Variants in PCDHA6 observed in about 807,000 individuals in gnomAD.
PCDHA6 encodes protocadherin alpha-6.
Under a neutral mutation model 60.3 loss-of-function variants are expected in PCDHA6, and 55 were observed. That is an observed-to-expected ratio of 0.91 (90% CI 0.73 to 1.14). The LOEUF (loss-of-function observed/expected upper bound fraction) is 1.14, where lower values mean the gene tolerates loss of function less well. Ranked by LOEUF, PCDHA6 falls within the 50% of genes most tolerant of loss-of-function variation. The pLI, the probability that PCDHA6 is intolerant of heterozygous loss-of-function variation, is 0.00. For missense variants in PCDHA6, 1,327 were observed against 1,256.5 expected (o/e 1.06, Z -0.85); for synonymous variants, 652 against 557.9 (o/e 1.17, Z -2.38).
intron 1 of PCDHA6, among the ~76,000 whole-genome samples, chr5:140,959,741 C>T (rs1415934970): frequency 6.6e-6 from 1 of 152,068 alleles, no homozygotes; most frequent in Admixed American, 6.6e-5. Flanking sequence ...CATCAAAATG[C>T]CTTAAAGTAT....
rs2150258870 is a variant in PCDHA6, at chr5:140,836,371, C to G, written c.2394+5886C>G. On this transcript the variant is annotated intron_variant, in intron 1 of 3. Transcript: ENST00000529310. Reference sequence around the variant, plus strand: ...GGGGAGCCCTCGCTGACAGCCACAGCCACCGTGCTGGTGTCGCTGGTGGAA... The same window carrying G: ...GGGGAGCCCTCGCTGACAGCCACAGGCACCGTGCTGGTGTCGCTGGTGGAA... The G allele has an allele frequency of 3.1e-3, 4,936 of 1,613,708 alleles. 180 individuals are homozygous for G. The African/African-American group carries it at 0.055, about 18-fold the overall frequency.
At position 140,858,644 on chromosome 5, in the gene PCDHA6, C is replaced by T. The variant is rs1581517400; in HGVS notation, c.2394+28159C>T. ...CCAGTGTGTCAGCCTTTGATTGGTACTTAAATTTTTTTAAATAACAATTTA... is the reference window on the plus strand; with the variant it reads ...CCAGTGTGTCAGCCTTTGATTGGTATTTAAATTTTTTTAAATAACAATTTA... On this transcript the variant is annotated intron_variant, in intron 1 of 3. Coordinates refer to ENST00000529310, the MANE Select transcript of PCDHA6 (RefSeq NM_018909.4). 16 of 921,026 alleles carry T rather than the reference C, an allele frequency of 1.7e-5. 1 individual carries two copies. Among genetic ancestry groups the T allele is most frequent in the African/African-American group, 1.2e-4 (7 of 59,878 alleles). 57.1% of individuals were successfully genotyped at this position (921,026 alleles called of 1,614,324 possible).
chr5:140,927,495 G>C (rs111935715), intron 1 of PCDHA6: 2 of 1,614,128 alleles, frequency 1.2e-6, no homozygotes, highest in African/African-American at 1.3e-5. Context: ...CCCACCTGCT[G>C]GTGCTTACAG....
At chr5:140,853,555 G>A in intron 1 of PCDHA6, 1 of 980,632 alleles carries the variant, frequency 1.0e-6, no homozygotes, top group Non-Finnish European at 1.2e-6. Context: ...TTACTATATA[G>A]GAAAAACTAA....
intron 1 of PCDHA6, chr5:140,871,063 G>A (rs377081112): frequency 1.2e-6 from 2 of 1,613,272 alleles, no homozygotes; most frequent in Non-Finnish European, 1.7e-6. Flanking sequence ...GAAGGATCAC[G>A]GTGAGCCGGC....
chr5:140,952,832 G>A (rs560488815), intron 1 of PCDHA6, among the ~76,000 whole-genome samples: 1 of 152,226 alleles, frequency 6.6e-6, no homozygotes, highest in African/African-American at 2.4e-5. Context: ...GCATGATGCT[G>A]GCCATCTGCT....
At position 140,857,115 on chromosome 5, in the gene PCDHA6, T is replaced by C. The variant is rs782131761; in HGVS notation, c.2394+26630T>C. On this transcript the variant is annotated intron_variant, in intron 1 of 3. Coordinates refer to ENST00000529310, the MANE Select transcript of PCDHA6 (RefSeq NM_018909.4). ...GAGGTGATTGTCACTTCTCTGTCTC[T>C]CCCAGTGAAAGAAGATGCTCAAGTG... 20 of 1,597,830 alleles carry C rather than the reference T, an allele frequency of 1.3e-5. 2 individuals carry two copies. In the East Asian group the frequency reaches 3.8e-4, roughly 30 times the overall value.
rs2150380022 is a variant in PCDHA6, at chr5:140,845,577, T to A, written c.2394+15092T>A. 1.2e-4 allele frequency among the ~76,000 whole-genome samples: 18 copies of A among 149,706 alleles called. 1 individual carries two copies. The highest frequency in any genetic ancestry group is 6.9e-3 in the Middle Eastern group (2 of 290). On this transcript the variant is annotated intron_variant, in intron 1 of 3. Transcript: ENST00000529310. The stretch of plus-strand genomic sequence containing the variant: ...TTTTAGCTATTAAGAATTTCTGGGA[T>A]TGAAATGTGTCAGAAGTTAGTTATT...
intron 1 of PCDHA6, chr5:140,834,789 A>T: frequency 6.2e-7 from 1 of 1,613,702 alleles, no homozygotes; most frequent in Non-Finnish European, 8.5e-7. Flanking sequence ...GTTCCCAGCG[A>T]CACAAAGGAA....
rs1774863213 is a variant in PCDHA6 at position 140,837,000 on chromosome 5, G to A, written c.2394+6515G>A. The A allele has an allele frequency of 1.8e-5, 6 of 331,444 alleles. No individual in the cohort carries two copies. The East Asian group carries it at 3.3e-4, about 18-fold the overall frequency. 20.5% of individuals were successfully genotyped at this position (331,444 alleles called of 1,614,324 possible). A position where few individuals can be genotyped will look rare whatever the true frequency, so the allele number is the denominator to read the frequency against. On this transcript the variant is annotated intron_variant, in intron 1 of 3. Coordinates refer to ENST00000529310, the MANE Select transcript of PCDHA6 (RefSeq NM_018909.4). ...TTGGAGGAGGACTTTGCTAACTGGAGCAATGGATTCACCTTTCTTCTATAG... is the reference window on the plus strand; with the variant it reads ...TTGGAGGAGGACTTTGCTAACTGGAACAATGGATTCACCTTTCTTCTATAG...
intron 1 of PCDHA6, chr5:140,843,656 G>C (rs1294872443): frequency 1.9e-6 from 3 of 1,594,636 alleles, no homozygotes; most frequent in Non-Finnish European, 2.6e-6. Context: ...CCTTCCTCCT[G>C]ATCTGGGATC....
chr5:140,840,206 A>G (rs1171433900), intron 1 of PCDHA6, among the ~76,000 whole-genome samples: 1 of 152,080 alleles, frequency 6.6e-6, no homozygotes, highest in African/African-American at 2.4e-5. Flanking sequence ...AAAAGAAGTC[A>G]TAAAAATACA....
At position 140,829,347 on chromosome 5, in the gene PCDHA6, C is replaced by T; in HGVS notation, c.1256C>T (p.Ser419Leu). Residue 419 changes from serine to leucine, a missense_variant, in exon 1 of 4, where the codon TCG becomes TTG. Physicochemically the swap from Ser to Leu is moderately radical, Grantham distance 145. Coordinates refer to ENST00000529310, the MANE Select transcript of PCDHA6 (RefSeq NM_018909.4). ...LDSALDRESV[S>L]AYELVVTARD... Reference sequence around the variant, plus strand: ...AGTGCCCTGGACCGCGAGAGCGTGTCGGCCTATGAGTTGGTGGTAACCGCG... The same window carrying T: ...AGTGCCCTGGACCGCGAGAGCGTGTTGGCCTATGAGTTGGTGGTAACCGCG... 5 of 1,614,232 alleles carry T rather than the reference C, an allele frequency of 3.1e-6. No homozygotes were observed. The highest frequency in any genetic ancestry group is 4.2e-6 in the Non-Finnish European group (5 of 1,180,052).
chr5:140,843,792 GT>G, intron 1 of PCDHA6: 1 of 1,356,394 alleles, frequency 7.4e-7, no homozygotes, highest in South Asian at 1.4e-5. Flanking sequence ...TTCAGATTTA[GT>G]TTTTCACCGT....
At chr5:140,968,810 G>C in intron 1 of PCDHA6, 1 of 1,614,186 alleles carries the variant, frequency 6.2e-7, no homozygotes, top group Non-Finnish European at 8.5e-7. Flanking sequence ...AGCTGTGGTG[G>C]ATAGGGTTTC....
intron 1 of PCDHA6, chr5:140,927,600 C>T (rs1179735453): frequency 1.9e-6 from 3 of 1,614,042 alleles, no homozygotes; most frequent in African/African-American, 1.3e-5. Flanking sequence ...TTGAGCGCTC[C>T]GTATACCGCA....
At chr5:140,881,867 G>A (rs2058853547) in intron 1 of PCDHA6, among the ~76,000 whole-genome samples, 1 of 152,166 alleles carries the variant, frequency 6.6e-6, no homozygotes, top group Non-Finnish European at 1.5e-5. Flanking sequence ...TAAATTTGTG[G>A]CAAAATGAAA....
intron 1 of PCDHA6, among the ~76,000 whole-genome samples, chr5:140,903,535 G>A (rs1311718035): frequency 3.3e-5 from 5 of 152,178 alleles, no homozygotes; most frequent in African/African-American, 1.2e-4. Flanking sequence ...CTTTAAACTA[G>A]AGCAAGAAAC....
chr5:140,899,551 GC>G (rs1220661801), intron 1 of PCDHA6, among the ~76,000 whole-genome samples: 12 of 152,288 alleles, frequency 7.9e-5, no homozygotes, highest in Middle Eastern at 6.8e-3. Context: ...TGGTGGATAA[GC>G]TTTTTGATGT....
Sources: gnomAD v4.1 joint callset for allele counts (sites outside exome capture counted in the v4.1 genomes callset) on GRCh38, gnomAD v4.1.1 for gene constraint, MANE v1.5 for transcripts, NCBI Gene and HGNC (gene_info 2026-07-23, HGNC 2026-07-21) for gene names.